PPARD: variants seen among roughly 807,000 people sequenced by gnomAD.
PPARD encodes peroxisome proliferator activated receptor delta, also known as peroxisome proliferator-activated receptor delta.
PPARD carries 6 observed loss-of-function variants against 39.5 expected under a neutral mutation model. The ratio of observed to expected loss-of-function variants is 0.15; its 90% CI spans 0.08 to 0.30. The LOEUF is 0.30. Ranked by LOEUF, PPARD falls within the 10% of genes least tolerant of loss-of-function variation. The probability of loss-of-function intolerance (pLI) is 1.00; values close to 1 mark genes in which losing one functional copy is unlikely to be tolerated. For missense variants in PPARD, 397 were observed against 596.8 expected (o/e 0.67, Z 3.49); for synonymous variants, 210 against 231.3 (o/e 0.91, Z 0.83).
Position 35,425,612 on chromosome 6 carries a change from G to T in PPARD, c.1079-220G>T, listed in dbSNP as rs75066816. Among the ~76,000 whole-genome samples the T allele has an allele frequency of 3.3e-5, 5 of 152,144 alleles. No individual in the cohort carries two copies. Among genetic ancestry groups the T allele is most frequent in the African/African-American group, 1.2e-4 (5 of 41,518 alleles). On this transcript the variant is annotated intron_variant, in intron 7 of 7. Coordinates refer to ENST00000360694, the MANE Select transcript of PPARD (RefSeq NM_006238.5). The surrounding 1 kb of genome is among the most constrained non-coding windows in gnomAD (Gnocchi z 4.5). The stretch of plus-strand genomic sequence containing the variant: ...AACCACAATACTACGTTGCCTAATC[G>T]GGGGGGAGGTGGGGACAAATTGGCA...
At chr6:35,354,890 C>T (rs1761484660) in intron 2 of PPARD, among the ~76,000 whole-genome samples, 2 of 152,282 alleles carry the variant, frequency 1.3e-5, no homozygotes, top group Non-Finnish European at 1.5e-5. Flanking sequence ...GGATTTTGTG[C>T]TGGAGACCGG....
At chr6:35,380,459 GTTTTTTTTTTTTGTTTGTTTTTTTTTT>G (rs1763071160) in intron 2 of PPARD, among the ~76,000 whole-genome samples, 1 of 97,114 alleles carries the variant, frequency 1.0e-5, no homozygotes, top group African/African-American at 3.4e-5. Context: ...TTAACCTCGT[GTTTTTTTTTTTTGTTTGTTTTTTTTTT>G]TTTTTTTTTT....
intron 2 of PPARD, among the ~76,000 whole-genome samples, chr6:35,390,108 G>A (rs1349806903): frequency 3.3e-5 from 5 of 152,196 alleles, no homozygotes; most frequent in Non-Finnish European, 5.9e-5. Context: ...TCTCGGCTGC[G>A]TTGCCTGACT....
intron 2 of PPARD, among the ~76,000 whole-genome samples, chr6:35,357,710 T>C (rs1291721166): frequency 6.6e-6 from 1 of 152,144 alleles, no homozygotes; most frequent in Non-Finnish European, 1.5e-5. Context: ...CTAATTTTTG[T>C]ATTTTTAGTA....
chr6:35,343,903 G>T (rs959857201), intron 1 of PPARD, among the ~76,000 whole-genome samples: 4 of 152,134 alleles, frequency 2.6e-5, no homozygotes, highest in Non-Finnish European at 5.9e-5. Flanking sequence ...CATCCGAAAG[G>T]ACTAAGAGAA....
chr6:35,400,759 C>T (rs933185149), intron 2 of PPARD, among the ~76,000 whole-genome samples: 2 of 151,726 alleles, frequency 1.3e-5, no homozygotes, highest in Non-Finnish European at 2.9e-5. Flanking sequence ...GTGATTGTGC[C>T]ACTGCACTCT....
intron 4 of PPARD, among the ~76,000 whole-genome samples, chr6:35,420,619 C>T (rs977962126): frequency 4.6e-5 from 7 of 152,166 alleles, no homozygotes; most frequent in African/African-American, 1.7e-4. Flanking sequence ...TTTCTCAAGG[C>T]TCAAAGCGGG....
Position 35,424,035 on chromosome 6 carries a change from G to A in PPARD, c.514G>A (p.Val172Met), listed in dbSNP as rs555750892. The change falls in exon 6 of 8, where the codon GTG (valine) becomes ATG (methionine). Residue 172 changes from valine to methionine, a missense_variant. Transcript: ENST00000360694. The surrounding 1 kb of genome is among the most constrained non-coding windows in gnomAD (Gnocchi z 7.1). Reference protein sequence around the residue: ...ANEGSQYNPQVADLKAFSKHI... With the variant: ...ANEGSQYNPQMADLKAFSKHI... ...CGAGGGGAGCCAGTACAACCCACAG[G>A]TGGCCGACCTGAAGGCCTTCTCCAA... The A allele has an allele frequency of 6.2e-7, 1 of 1,614,202 alleles. No homozygotes were observed. Among genetic ancestry groups the A allele is most frequent in the South Asian group, 1.1e-5 (1 of 91,082 alleles).
intron 4 of PPARD, among the ~76,000 whole-genome samples, chr6:35,420,819 C>CTTTTTTTTTTTTTTTTTT (rs35852986): frequency 2.3e-5 from 2 of 85,708 alleles, no homozygotes; most frequent in Non-Finnish European, 4.2e-5. Context: ...AACAAAGAAG[C>CTTTTTTTTTTTTTTTTTT]TTTTTTTTTT....
chr6:35,343,187 A>G (rs1791959921), intron 1 of PPARD, among the ~76,000 whole-genome samples: 1 of 150,708 alleles, frequency 6.6e-6, no homozygotes, highest in African/African-American at 2.4e-5. Context: ...TCATCCTCCC[A>G]TCCTTGCTCT....
At chr6:35,403,981 T>G (rs912433601) in intron 2 of PPARD, among the ~76,000 whole-genome samples, 2 of 151,868 alleles carry the variant, frequency 1.3e-5, no homozygotes, top group African/African-American at 4.8e-5. Flanking sequence ...CACACAGGAG[T>G]CATTTTCTGG....
At chr6:35,421,255 G>A (rs569208888) in intron 4 of PPARD, among the ~76,000 whole-genome samples, 1 of 151,120 alleles carries the variant, frequency 6.6e-6, no homozygotes, top group East Asian at 2.0e-4. Flanking sequence ...GAGCCACTGT[G>A]TCCAGCCCCA....
intron 2 of PPARD, among the ~76,000 whole-genome samples, chr6:35,395,272 A>G (rs1005295517): frequency 3.9e-5 from 6 of 152,214 alleles, no homozygotes; most frequent in African/African-American, 1.4e-4. Flanking sequence ...AGAGAACAGA[A>G]TCGGGCTTAG....
rs1765573315 is a variant in PPARD, at chr6:35,413,708, G to A, written c.130+2491G>A. Among the ~76,000 whole-genome samples, 3 of 150,294 alleles carry A rather than the reference G, an allele frequency of 2.0e-5. No homozygotes were observed. In the South Asian group the frequency reaches 6.3e-4, roughly 32 times the overall value. On this transcript the variant is annotated intron_variant, in intron 3 of 7. Transcript: ENST00000360694. Reference sequence around the variant, plus strand: ...TCTTTTTTTTTTTTTTTGAGACAGAGCCTGGCTCTGTCGCTCAGGCTGGAG... The same window carrying A: ...TCTTTTTTTTTTTTTTTGAGACAGAACCTGGCTCTGTCGCTCAGGCTGGAG...
At chr6:35,384,913 A>C (rs1156988689) in intron 2 of PPARD, among the ~76,000 whole-genome samples, 1 of 124,710 alleles carries the variant, frequency 8.0e-6, no homozygotes, top group East Asian at 2.4e-4. Context: ...CCCTACTGGG[A>C]AGTGAGGAGC....
At chr6:35,376,307 ATTG>A (rs1338823875) in intron 2 of PPARD, among the ~76,000 whole-genome samples, 3 of 152,066 alleles carry the variant, frequency 2.0e-5, no homozygotes, top group Non-Finnish European at 4.4e-5. Flanking sequence ...TCTTAGACAT[ATTG>A]TTGAGCATTT....
At chr6:35,373,145 C>T (rs888029902) in intron 2 of PPARD, among the ~76,000 whole-genome samples, 5 of 152,156 alleles carry the variant, frequency 3.3e-5, no homozygotes, top group Admixed American at 6.6e-5. Context: ...AGCACTAATC[C>T]GTTCCTGAGG....
intron 2 of PPARD, among the ~76,000 whole-genome samples, chr6:35,354,662 AT>A (rs1247167631): frequency 2.0e-5 from 3 of 152,166 alleles, no homozygotes; most frequent in African/African-American, 7.2e-5. Flanking sequence ...GATATTCAAA[AT>A]TGTAACATAA....
At chr6:35,362,482 G>A (rs572887459) in intron 2 of PPARD, among the ~76,000 whole-genome samples, 3 of 151,208 alleles carry the variant, frequency 2.0e-5, no homozygotes, top group Non-Finnish European at 4.4e-5. Context: ...TCCAGAAAAG[G>A]ATACCACCTC....
Sources: gnomAD v4.1 joint callset for allele counts (sites outside exome capture counted in the v4.1 genomes callset) on GRCh38, gnomAD v4.1.1 for gene constraint, Gnocchi (gnomAD v3.1) non-coding constraint, MANE v1.5 for transcripts, NCBI Gene and HGNC (gene_info 2026-07-23, HGNC 2026-07-21) for gene names.